SLC9C1: variants seen among roughly 807,000 people sequenced by gnomAD.
SLC9C1 encodes solute carrier family 9 member C1.
A neutral mutation model predicts 140.9 loss-of-function variants in SLC9C1; 97 were observed. The observed-to-expected ratio is 0.69, with a 90% CI of 0.58 to 0.82. The LOEUF (loss-of-function observed/expected upper bound fraction) is 0.82, where lower values mean the gene tolerates loss of function less well. SLC9C1 is among the 40% of genes least tolerant of loss of function. SLC9C1 has a pLI of 0.00. For missense variants in SLC9C1, 1,340 were observed against 1,389.3 expected (o/e 0.96, Z 0.56); for synonymous variants, 440 against 442.6 (o/e 0.99, Z 0.07).
chr3:112,267,484 G>A (rs2079951369), intron 7 of SLC9C1, among the ~76,000 whole-genome samples: 1 of 149,452 alleles, frequency 6.7e-6, no homozygotes, highest in Non-Finnish European at 1.5e-5. Context: ...GCTGAGGCAG[G>A]AGAATGGCGA....
intron 13 of SLC9C1, 70 bp from the exon 14 acceptor site, chr3:112,221,295 G>A: frequency 1.5e-6 from 2 of 1,291,106 alleles, no homozygotes; most frequent in South Asian, 1.3e-5. Flanking sequence ...ATCTTGATGG[G>A]AAAAATGTGT....
chr3:112,221,217 G>GT lies in SLC9C1; in HGVS notation c.1580dup (p.Tyr527Ter), dbSNP rs1560086803. The change falls in exon 14 of 29, where the codon TAC becomes TAAC. Residue 527 changes from tyrosine (Y) to a stop codon, truncating the protein, a stop_gained and frameshift_variant. Transcript: ENST00000305815. LOFTEE classifies it high-confidence loss of function. ...GAATCTCATTCCTGTATTGTCTCTGGTAGCTTGCCTAAAAAAATATTAATT... is the reference window on the plus strand; with the variant it reads ...GAATCTCATTCCTGTATTGTCTCTGGTTAGCTTGCCTAAAAAAATATTAATT... ...RRLLSAQIAS[Y>*]QRQYRNEILS... 6.2e-7 allele frequency: 1 copy of GT among 1,613,112 alleles called. No individual in the cohort carries two copies. Among genetic ancestry groups the GT allele is most frequent in the South Asian group, 1.1e-5 (1 of 90,962 alleles).
chr3:112,226,185 C>G (rs2078677982), intron 13 of SLC9C1, among the ~76,000 whole-genome samples: 2 of 152,046 alleles, frequency 1.3e-5, no homozygotes, highest in South Asian at 2.1e-4. Flanking sequence ...AAAATCATAT[C>G]AAGTATCTTT....
chr3:112,151,887 T>C lies in SLC9C1; in HGVS notation c.3494A>G (p.Glu1165Gly). The change falls in exon 28 of 29, where the codon GAG becomes GGG. Residue 1165 changes from glutamate (E) to glycine (G), a missense_variant. Transcript: ENST00000305815. ...SLLGTKFNCK[E>G]SPRINLRKVR... ...TTTCCTTAGGTTTATTCTAGGGGACTCCTTACAGTTGAACTTTGTCCCCAG... is the reference window on the plus strand; with the variant it reads ...TTTCCTTAGGTTTATTCTAGGGGACCCCTTACAGTTGAACTTTGTCCCCAG... 1 of 1,611,734 alleles carries C rather than the reference T, an allele frequency of 6.2e-7. No homozygotes were observed. The highest frequency in any genetic ancestry group is 8.5e-7 in the Non-Finnish European group (1 of 1,179,330).
At chr3:112,277,521 G>C (rs2080247323) in intron 5 of SLC9C1, among the ~76,000 whole-genome samples, 174 bp downstream of exon 5, 1 of 151,944 alleles carries the variant, frequency 6.6e-6, no homozygotes, top group African/African-American at 2.4e-5. Context: ...CCCATCACTG[G>C]CATTTCTTCT....
intron 10 of SLC9C1, among the ~76,000 whole-genome samples, chr3:112,248,401 C>G (rs1258535911): frequency 6.6e-6 from 1 of 152,100 alleles, no homozygotes; most frequent in Non-Finnish European, 1.5e-5. Context: ...TTGTTTCAAG[C>G]CACTGAATTT....
At position 112,265,842 on chromosome 3, in the gene SLC9C1, A is replaced by AT. The variant is rs202157961; in HGVS notation, c.878+395dup. On this transcript the variant is annotated intron_variant, in intron 8 of 28. Transcript: ENST00000305815. The stretch of plus-strand genomic sequence containing the variant: ...TTGTCCTTAAAATACTCATCTTTAG[A>AT]TTTTTTTTGCCTTAAGTTCAACTTA... Among the ~76,000 whole-genome samples the AT allele has an allele frequency of 2.6e-3, 393 of 151,968 alleles. 1 individual carries two copies. The highest frequency in any genetic ancestry group is 6.8e-3 in the Middle Eastern group (2 of 294).
At chr3:112,276,198 G>A (rs754566026) in intron 5 of SLC9C1, among the ~76,000 whole-genome samples, 6 of 151,992 alleles carry the variant, frequency 3.9e-5, no homozygotes, top group Non-Finnish European at 8.8e-5. Context: ...AAACCTAACT[G>A]ATATTATTGT....
rs2078714671 is a variant in SLC9C1, at chr3:112,227,533, ATT to A, written c.1572+3826_1572+3827del. 2.0e-5 allele frequency among the ~76,000 whole-genome samples: 3 copies of A among 152,174 alleles called. No individual in the cohort carries two copies. The South Asian group carries it at 6.2e-4, about 31-fold the overall frequency. On this transcript the variant is annotated intron_variant, in intron 13 of 28. Coordinates refer to ENST00000305815, the MANE Select transcript of SLC9C1 (RefSeq NM_183061.3). ...CAAAAAACATTTGATAAAATTCAGC[ATT>A]GTTTCATGATAAAAACTCCCAATAA...
At chr3:112,235,616 A>G in intron 12 of SLC9C1, among the ~76,000 whole-genome samples, 1 of 151,962 alleles carries the variant, frequency 6.6e-6, no homozygotes, top group African/African-American at 2.4e-5. Flanking sequence ...TGGGTTTGTC[A>G]TAGATAGCTC....
chr3:112,164,978 T>G (rs2077091186), intron 26 of SLC9C1, among the ~76,000 whole-genome samples: 1 of 152,160 alleles, frequency 6.6e-6, no homozygotes, highest in Non-Finnish European at 1.5e-5. Flanking sequence ...TTTCTTTTTA[T>G]TCTTTTTTCT....
At position 112,179,516 on chromosome 3, in the gene SLC9C1, C is replaced by A. The variant is rs560376522; in HGVS notation, c.2919+15G>T. Reference sequence around the variant, plus strand: ...AACAAAATACAACAAAAGTCACAGGCGAAGTTTTTCTGACCTCCACTACAG... The same window carrying A: ...AACAAAATACAACAAAAGTCACAGGAGAAGTTTTTCTGACCTCCACTACAG... On this transcript the variant is annotated intron_variant, in intron 23 of 28. Coordinates refer to ENST00000305815, the MANE Select transcript of SLC9C1 (RefSeq NM_183061.3). 3 of 1,585,216 alleles carry A rather than the reference C, an allele frequency of 1.9e-6. No homozygotes were observed. Among genetic ancestry groups the A allele is most frequent in the South Asian group, 1.2e-5 (1 of 82,328 alleles).
chr3:112,221,163 A>C lies in SLC9C1; in HGVS notation c.1635T>G (p.Val545=), dbSNP rs2078530522. Residue 545 remains valine, a synonymous_variant, in exon 14 of 29, where the codon GTT becomes GTG. Coordinates refer to ENST00000305815, the MANE Select transcript of SLC9C1 (RefSeq NM_183061.3). ...ILSQSAVQVL[V]GAAESFGEKK... Reference sequence around the variant, plus strand: ...TCTCACCAAAACTTTCTGCTGCACCAACCAACACCTGGACAGCACTCTGGG... The same window carrying C: ...TCTCACCAAAACTTTCTGCTGCACCCACCAACACCTGGACAGCACTCTGGG... 1 of 1,613,586 alleles carries C rather than the reference A, an allele frequency of 6.2e-7. No individual in the cohort carries two copies. The highest frequency in any genetic ancestry group is 1.3e-5 in the African/African-American group (1 of 74,902).
chr3:112,252,249 A>G (rs2079481045), intron 10 of SLC9C1, among the ~76,000 whole-genome samples: 1 of 152,178 alleles, frequency 6.6e-6, no homozygotes, highest in Admixed American at 6.5e-5. Flanking sequence ...CAGCTGCTCT[A>G]TGGATAAACA....
intron 10 of SLC9C1, among the ~76,000 whole-genome samples, chr3:112,252,063 C>T (rs2079475237): frequency 6.6e-6 from 1 of 152,270 alleles, no homozygotes; most frequent in East Asian, 1.9e-4. Flanking sequence ...CTGGGCTCTC[C>T]AGTCACCCTA....
chr3:112,271,390 A>ATT (rs752015625), intron 6 of SLC9C1, among the ~76,000 whole-genome samples: 73 of 50,782 alleles, frequency 1.4e-3, no homozygotes, highest in Non-Finnish European at 3.0e-3. Flanking sequence ...ATCATTCTAC[A>ATT]TTGTATATAT....
chr3:112,173,841 C>G (rs1016201548), intron 23 of SLC9C1, among the ~76,000 whole-genome samples: 1 of 152,186 alleles, frequency 6.6e-6, no homozygotes, highest in Non-Finnish European at 1.5e-5. Context: ...GTTTTAAGTT[C>G]TCTTAGAAAT....
intron 26 of SLC9C1, among the ~76,000 whole-genome samples, chr3:112,155,840 GTATTT>G (rs1006424202): frequency 6.6e-6 from 1 of 151,760 alleles, no homozygotes; most frequent in African/African-American, 2.4e-5. Context: ...GAGAATCAAG[GTATTT>G]TATTTTAATT....
At chr3:112,202,200 G>T in intron 18 of SLC9C1, 50 bp downstream of exon 18, 2 of 1,592,398 alleles carry the variant, frequency 1.3e-6, no homozygotes, top group Non-Finnish European at 1.7e-6. Flanking sequence ...ATGGATGAGG[G>T]CAACTGAGGG....
Sources: allele counts gnomAD v4.1 joint callset (sites outside exome capture counted in the v4.1 genomes callset), GRCh38; gene constraint gnomAD v4.1.1; transcripts MANE v1.5; gene names NCBI Gene and HGNC (gene_info 2026-07-23, HGNC 2026-07-21).